UBR2: variants seen among roughly 807,000 people sequenced by gnomAD.
UBR2 encodes the protein E3 ubiquitin-protein ligase UBR2.
In UBR2, 92 loss-of-function variants were observed where a neutral mutation model predicts 247.9. The observed-to-expected ratio is 0.37, with a 90% CI of 0.31 to 0.44. UBR2 has a LOEUF of 0.44. Among genes scored for constraint, UBR2 ranks in the 20% least tolerant of loss-of-function variants. The pLI, the probability that UBR2 is intolerant of heterozygous loss-of-function variation, is 1.00. For missense variants in UBR2, 1,613 were observed against 2,112.6 expected, an observed-to-expected ratio of 0.76 and a Z score of 4.64; for synonymous variants, 672 against 693.5, an observed-to-expected ratio of 0.97 and a Z score of 0.49.
chr6:42,664,992 A>G (rs565419832), intron 32 of UBR2, among the ~76,000 whole-genome samples: 1 of 152,370 alleles, frequency 6.6e-6, no homozygotes, highest in Admixed American at 6.5e-5. Context: ...AAATATAGGA[A>G]TACAACCTAT....
chr6:42,633,110 C>T (rs1377432561), intron 13 of UBR2, among the ~76,000 whole-genome samples: 4 of 151,880 alleles, frequency 2.6e-5, no homozygotes, highest in Non-Finnish European at 5.9e-5. Flanking sequence ...CCTGCCTCAG[C>T]CTCCAAAGTT....
intron 1 of UBR2, 93 bp downstream of exon 1, chr6:42,564,490 C>T: frequency 7.0e-7 from 1 of 1,423,182 alleles, no homozygotes; most frequent in Non-Finnish European, 9.5e-7. Context: ...GCAGCCCGAC[C>T]CAGACTTGGG....
In UBR2 at chr6:42,606,592, C is replaced by T. The variant is rs1488115048; in HGVS notation, c.805C>T (p.Arg269Cys). 2.5e-6 allele frequency: 4 copies of T among 1,609,796 alleles called. No homozygotes were observed. Among genetic ancestry groups the T allele is most frequent in the South Asian group, 1.1e-5 (1 of 90,084 alleles). The change falls in exon 7 of 47, where the codon CGT (arginine) becomes TGT (cysteine). Residue 269 changes from arginine (R) to cysteine (C), a missense_variant. This residue lies in a region of UBR2 where 1,524 missense variants were observed against 1,967.3 expected (regional missense o/e 0.77). Coordinates refer to ENST00000372901, the MANE Select transcript of UBR2 (RefSeq NM_001363705.2). ...GFATTVDRDG[R>C]RSVRYGDFQY... ...TTAATTTTAAATATCTTTACAGGGG[C>T]GTAGGTCTGTTCGATATGGAGATTT...
Position 42,612,169 on chromosome 6 carries a change from A to G in UBR2, c.865-2A>G. 6.7e-7 allele frequency: 1 copy of G among 1,499,512 alleles called. No homozygotes were observed. The allele number at this position is 1,499,512 out of a possible 1,614,324, so 92.9% of individuals were successfully genotyped here. On this transcript the variant is annotated splice_acceptor_variant, in intron 7 of 46. Transcript: ENST00000372901. LOFTEE classifies it high-confidence loss of function. ...TTTTAAATCTTGCCATTTCTTTTTA[A>G]GAGAAATACCAGTAGACAGACAAAG...
At chr6:42,651,335 A>G (rs928539396) in intron 23 of UBR2, among the ~76,000 whole-genome samples, 13 of 152,108 alleles carry the variant, frequency 8.5e-5, no homozygotes, top group Admixed American at 8.5e-4. Flanking sequence ...TGATGAAGTC[A>G]TAGAGTTCAA....
At chr6:42,683,799 G>A (rs957343030) in intron 43 of UBR2, among the ~76,000 whole-genome samples, 3 of 152,160 alleles carry the variant, frequency 2.0e-5, no homozygotes, top group African/African-American at 7.2e-5. Context: ...TTATCTGGTA[G>A]AGTATGCTTT....
At chr6:42,601,618 G>A (rs970959868) in intron 4 of UBR2, among the ~76,000 whole-genome samples, 19 of 150,788 alleles carry the variant, frequency 1.3e-4, no homozygotes, top group African/African-American at 4.1e-4. Context: ...AACCCGGGAG[G>A]CGGACGTTAC....
chr6:42,649,120 G>A (rs776459702), intron 22 of UBR2, among the ~76,000 whole-genome samples: 47 of 152,134 alleles, frequency 3.1e-4, no homozygotes, highest in Non-Finnish European at 5.4e-4. Flanking sequence ...CAATTCTCCT[G>A]CCTCAGCCTC....
chr6:42,637,066 A>T lies in UBR2; in HGVS notation c.1730A>T (p.His577Leu). The change falls in exon 15 of 47, where the codon CAT (histidine) becomes CTT (leucine). Residue 577 changes from histidine to leucine, a missense_variant. His to Leu is a moderately conservative substitution (Grantham distance 99, BLOSUM62 -3). Around this residue, in one of 3 missense-constraint regions of UBR2, gnomAD observed 1,524 missense variants for 1,967.3 expected, o/e 0.77. Transcript: ENST00000372901. ...TGTCTCGCTGTACTGATGCAGTGTC[A>T]TGGTGGTTATACTGATGGTGAACAG... ...KKCLAVLMQC[H>L]GGYTDGEQPI... 6.2e-7 allele frequency: 1 copy of T among 1,614,092 alleles called. No homozygotes were observed. The highest frequency in any genetic ancestry group is 1.3e-5 in the African/African-American group (1 of 75,046).
chr6:42,598,147 G>A (rs934361029), intron 4 of UBR2, among the ~76,000 whole-genome samples: 1 of 152,078 alleles, frequency 6.6e-6, no homozygotes, highest in Non-Finnish European at 1.5e-5. Context: ...GTATAGGACA[G>A]GGTTCAGCAA....
At chr6:42,607,356 T>G (rs937548103) in intron 7 of UBR2, among the ~76,000 whole-genome samples, 2 of 151,790 alleles carry the variant, frequency 1.3e-5, no homozygotes, top group African/African-American at 4.8e-5. Flanking sequence ...CTAGTAGAGA[T>G]GGGGTTTCAC....
rs570961899 is a variant in UBR2 at position 42,692,835 on chromosome 6, G to A, written c.*1662G>A. 3.2e-4 allele frequency: 48 copies of A among 152,258 alleles called. No homozygotes were observed. Among genetic ancestry groups the A allele is most frequent in the African/African-American group, 1.1e-3 (45 of 41,550 alleles). The allele number at this position is 152,258 out of a possible 1,614,324, so 9.4% of individuals were successfully genotyped here. A position where few individuals can be genotyped will look rare whatever the true frequency, so the allele number is the denominator to read the frequency against. Reference sequence around the variant, plus strand: ...GGAGGATGACCGTCGCCATTCTTGCGTGGGACTGACTCACCCAGCTGAGAG... The same window carrying A: ...GGAGGATGACCGTCGCCATTCTTGCATGGGACTGACTCACCCAGCTGAGAG... On this transcript the variant is annotated 3_prime_UTR_variant, in exon 47 of 47. Transcript: ENST00000372901.
Position 42,606,624 on chromosome 6 carries a change from T to C in UBR2, c.837T>C (p.Tyr279=), listed in dbSNP as rs1458017706. The C allele has an allele frequency of 6.8e-6, 11 of 1,608,344 alleles. No individual in the cohort carries two copies. The highest frequency in any genetic ancestry group is 2.2e-5 in the East Asian group (1 of 44,534). The part of the protein sequence containing the change: ...RRSVRYGDFQ[Y]CEQAKSVIVR... ...CTGTTCGATATGGAGATTTTCAGTA[T>C]TGTGAGCAAGCAAAATCAGTAATTG... The change falls in exon 7 of 47, where the codon TAT becomes TAC. Residue 279 remains tyrosine (Y), a synonymous_variant. Transcript: ENST00000372901.
chr6:42,596,910 A>C (rs1400651327), intron 4 of UBR2, among the ~76,000 whole-genome samples: 2 of 152,200 alleles, frequency 1.3e-5, no homozygotes, highest in Non-Finnish European at 2.9e-5. Flanking sequence ...AGATTGTAGT[A>C]GTTGCACGTT....
intron 42 of UBR2, among the ~76,000 whole-genome samples, chr6:42,681,163 A>C (rs1399868206): frequency 7.9e-6 from 1 of 126,988 alleles, no homozygotes; most frequent in African/African-American, 3.7e-5. Context: ...ACTCCGTCTC[A>C]AAAAAAAAAA....
Position 42,617,394 on chromosome 6 carries a change from T to C in UBR2, c.1183-15T>C. 6.2e-7 allele frequency: 1 copy of C among 1,612,468 alleles called. No individual in the cohort carries two copies. The highest frequency in any genetic ancestry group is 1.7e-5 in the Admixed American group (1 of 59,600). The stretch of plus-strand genomic sequence containing the variant: ...GATAGCTGGCACTCCTTGCCTTTTT[T>C]TGCCTTCTTAATAGAACTATGAGCG... On this transcript the variant is annotated splice_polypyrimidine_tract_variant and intron_variant, in intron 10 of 46. Transcript: ENST00000372901.
intron 4 of UBR2, among the ~76,000 whole-genome samples, chr6:42,597,061 A>T (rs903150054): frequency 1.2e-4 from 18 of 152,208 alleles, no homozygotes; most frequent in Non-Finnish European, 2.2e-4. Context: ...AGTAGACTTA[A>T]AATAATTTTC....
At chr6:42,587,279 G>A (rs1289614173) in intron 2 of UBR2, among the ~76,000 whole-genome samples, 4 of 152,082 alleles carry the variant, frequency 2.6e-5, no homozygotes, top group Non-Finnish European at 5.9e-5. Flanking sequence ...TGGACTAGAG[G>A]TTGGGAAGCT....
chr6:42,638,540 A>ATG (rs1186869131), intron 15 of UBR2, among the ~76,000 whole-genome samples: 1 of 152,218 alleles, frequency 6.6e-6, no homozygotes, highest in Non-Finnish European at 1.5e-5. Flanking sequence ...GAATGAAATC[A>ATG]TGATCGTAAG....
Sources: allele counts gnomAD v4.1 joint callset (sites outside exome capture counted in the v4.1 genomes callset), GRCh38; gene constraint gnomAD v4.1.1; regional missense constraint gnomAD v4.1.1; transcripts MANE v1.5; gene names NCBI Gene and HGNC (gene_info 2026-07-23, HGNC 2026-07-21).